FHOD3: variants seen among roughly 807,000 people sequenced by gnomAD.
FHOD3 encodes the protein FH1/FH2 domain-containing protein 3.
Under a neutral mutation model 173.0 loss-of-function variants are expected in FHOD3, and 90 were observed. That is an observed-to-expected ratio of 0.52 (90% CI 0.44 to 0.62). The LOEUF (loss-of-function observed/expected upper bound fraction) is 0.62. Ranked by LOEUF, FHOD3 falls within the 20% of genes least tolerant of loss-of-function variation. The pLI, the probability that FHOD3 is intolerant of heterozygous loss-of-function variation, is 0.00. For missense variants in FHOD3, 1,945 were observed against 2,034.7 expected, an observed-to-expected ratio of 0.96 and a Z score of 0.85; for synonymous variants, 828 against 823.0, an observed-to-expected ratio of 1.01 and a Z score of -0.10.
At chr18:36,438,575 C>A (rs1848136882) in intron 3 of FHOD3, among the ~76,000 whole-genome samples, 1 of 152,174 alleles carries the variant, frequency 6.6e-6, no homozygotes, top group African/African-American at 2.4e-5. Flanking sequence ...CTCAGCATGA[C>A]CACTGTTATG....
chr18:36,548,455 A>C (rs1453544219), intron 5 of FHOD3, among the ~76,000 whole-genome samples: 1 of 152,170 alleles, frequency 6.6e-6, no homozygotes, highest in African/African-American at 2.4e-5. Flanking sequence ...TAATCTGTAC[A>C]TACTTAAGGC....
chr18:36,721,559 T>C (rs909870224), intron 19 of FHOD3, among the ~76,000 whole-genome samples: 8 of 152,100 alleles, frequency 5.3e-5, no homozygotes, highest in Non-Finnish European at 8.8e-5. Context: ...GATGGGAAGA[T>C]ATCCTGAGCC....
rs147228058 is a variant in FHOD3 at position 36,623,993 on chromosome 18, G to A, written c.958-1518G>A. On this transcript the variant is annotated intron_variant, in intron 9 of 28. Coordinates refer to ENST00000590592, the MANE Select transcript of FHOD3 (RefSeq NM_001281740.3). ...CCATATACTGTGGTTAGCTATCTGA[G>A]TCTTTATATTCTCCATTCTCTCACA... 2.6e-3 allele frequency among the ~76,000 whole-genome samples: 392 copies of A among 152,306 alleles called. 3 individuals are homozygous for A. Among genetic ancestry groups the A allele is most frequent in the African/African-American group, 8.9e-3 (368 of 41,576 alleles).
chr18:36,437,673 T>A (rs1185543268), intron 3 of FHOD3, among the ~76,000 whole-genome samples: 2 of 123,318 alleles, frequency 1.6e-5, no homozygotes, highest in Non-Finnish European at 3.7e-5. Flanking sequence ...TTCTTTTTTT[T>A]TTTTTTTTTA....
intron 6 of FHOD3, among the ~76,000 whole-genome samples, chr18:36,593,898 G>A (rs1393772593): frequency 2.0e-5 from 3 of 152,204 alleles, no homozygotes; most frequent in Non-Finnish European, 4.4e-5. Context: ...AGGCAACCTT[G>A]CTGTTTCTCG....
intron 12 of FHOD3, 137 bp from the exon 13 acceptor site, chr18:36,653,205 T>C: frequency 1.4e-6 from 1 of 721,924 alleles, no homozygotes; most frequent in South Asian, 1.9e-5. Flanking sequence ...AAGGTTTACA[T>C]GTGTATAATG....
intron 20 of FHOD3, among the ~76,000 whole-genome samples, chr18:36,731,775 T>TG (rs1424691211): frequency 6.6e-6 from 1 of 152,156 alleles, no homozygotes; most frequent in African/African-American, 2.4e-5. Flanking sequence ...CCCATGGCCC[T>TG]GGGAATGGGA....
chr18:36,578,320 G>A (rs1026238645), intron 6 of FHOD3, among the ~76,000 whole-genome samples: 3 of 152,086 alleles, frequency 2.0e-5, no homozygotes, highest in African/African-American at 7.2e-5. Flanking sequence ...TGTGTGCAGG[G>A]GAGCCACCCT....
chr18:36,626,971 A>G (rs984646757), intron 10 of FHOD3, among the ~76,000 whole-genome samples: 4 of 152,172 alleles, frequency 2.6e-5, no homozygotes, highest in Non-Finnish European at 5.9e-5. Flanking sequence ...ACCATGGTCT[A>G]TGTTGACACC....
intron 27 of FHOD3, among the ~76,000 whole-genome samples, chr18:36,762,159 A>G (rs1340083860): frequency 6.6e-6 from 1 of 152,214 alleles, no homozygotes; most frequent in Non-Finnish European, 1.5e-5. Flanking sequence ...TCTTAAATAT[A>G]CAAAAATAAC....
At chr18:36,457,780 TAGCTCAGGATGTCAC>T (rs2052307911) in intron 3 of FHOD3, among the ~76,000 whole-genome samples, 1 of 152,202 alleles carries the variant, frequency 6.6e-6, no homozygotes, top group Admixed American at 6.5e-5. Context: ...AGAGTTCACT[TAGCTCAGGATGTCAC>T]AGCCTGGAAA....
chr18:36,466,594 G>A (rs2052955567), intron 3 of FHOD3, among the ~76,000 whole-genome samples: 1 of 152,200 alleles, frequency 6.6e-6, no homozygotes, highest in African/African-American at 2.4e-5. Context: ...TTTCTGATTT[G>A]CAATTGGTTA....
rs778872098 is a variant in FHOD3 at position 36,693,246 on chromosome 18, G to C, written c.2059G>C (p.Glu687Gln). The C allele has an allele frequency of 3.1e-6, 5 of 1,613,670 alleles. No homozygotes were observed. Among genetic ancestry groups the C allele is most frequent in the Non-Finnish European group, 3.4e-6 (4 of 1,179,832 alleles). ...YLEQLAAEEH[E>Q]KELRSRSVSR... ...GGAACAGTTGGCAGCTGAGGAGCAC[G>C]AGAAGGAGCTGAGAAGCCGGAGTGT... is the stretch of plus-strand genomic sequence containing the variant. Residue 687 changes from glutamate to glutamine, a missense_variant, in exon 17 of 29, where the codon GAG becomes CAG. Coordinates refer to ENST00000590592, the MANE Select transcript of FHOD3 (RefSeq NM_001281740.3).
chr18:36,441,725 T>C (rs2051163939), intron 3 of FHOD3, among the ~76,000 whole-genome samples: 1 of 152,244 alleles, frequency 6.6e-6, no homozygotes, highest in African/African-American at 2.4e-5. Flanking sequence ...TCCTTAATTA[T>C]AGACATCACA....
chr18:36,402,464 T>G (rs2048861298), intron 3 of FHOD3, among the ~76,000 whole-genome samples: 1 of 150,698 alleles, frequency 6.6e-6, no homozygotes, highest in African/African-American at 2.4e-5. Context: ...AATATAAAAA[T>G]TATAATGTAT....
At position 36,613,341 on chromosome 18, in the gene FHOD3, T is replaced by A. The variant is rs375025143; in HGVS notation, c.957+1246T>A. Among the ~76,000 whole-genome samples the A allele has an allele frequency of 1.1e-4, 17 of 152,324 alleles. No individual in the cohort carries two copies. In the South Asian group the frequency reaches 3.5e-3, roughly 32 times the overall value. Reference sequence around the variant, plus strand: ...TACATATCAGGGCTTCGGACCTTGTTGACTTGAGTTCAGACTGTTCCCTGT... The same window carrying A: ...TACATATCAGGGCTTCGGACCTTGTAGACTTGAGTTCAGACTGTTCCCTGT... On this transcript the variant is annotated intron_variant, in intron 9 of 28. Coordinates refer to ENST00000590592, the MANE Select transcript of FHOD3 (RefSeq NM_001281740.3).
At chr18:36,403,506 GCT>G (rs1278349443) in intron 3 of FHOD3, among the ~76,000 whole-genome samples, 1 of 152,076 alleles carries the variant, frequency 6.6e-6, no homozygotes, top group East Asian at 1.9e-4. Context: ...ACCCATACAT[GCT>G]CTCAGAATGG....
Position 36,312,583 on chromosome 18 carries a change from C to G in FHOD3, c.165+14583C>G, listed in dbSNP as rs2092285238. On this transcript the variant is annotated intron_variant, in intron 1 of 28. Coordinates refer to ENST00000590592, the MANE Select transcript of FHOD3 (RefSeq NM_001281740.3). ...GCCCAAACCAACTGAGAACCTCTCC[C>G]TAGCAGCAATCCCTGCTCTGTCAGA... 5.3e-5 allele frequency among the ~76,000 whole-genome samples: 8 copies of G among 152,322 alleles called. No homozygotes were observed. In the South Asian group the frequency reaches 1.7e-3, roughly 32 times the overall value.
chr18:36,388,976 A>G (rs9304158), intron 3 of FHOD3, among the ~76,000 whole-genome samples: 75,608 of 152,048 alleles, frequency 0.5, 19,911 homozygotes, highest in East Asian at 0.75. Context: ...GGGCACCGTG[A>G]GCAGGATGGG....
Sources: gnomAD v4.1 joint callset for allele counts (sites outside exome capture counted in the v4.1 genomes callset) on GRCh38, gnomAD v4.1.1 for gene constraint, MANE v1.5 for transcripts, NCBI Gene and HGNC (gene_info 2026-07-23, HGNC 2026-07-21) for gene names.